The following ZNF658 variants were observed in gnomAD, a reference collection of about 807,000 sequenced individuals.
ZNF658 encodes zinc finger protein 658.
Under a neutral mutation model 78.0 loss-of-function variants are expected in ZNF658, and 46 were observed. The ratio of observed to expected loss-of-function variants is 0.59; its 90% confidence interval spans 0.47 to 0.75. The LOEUF is 0.75. Ranked by LOEUF, ZNF658 falls within the 30% of genes least tolerant of loss-of-function variation. The pLI, the probability that ZNF658 is intolerant of heterozygous loss-of-function variation, is 0.00. For missense variants in ZNF658, 785 were observed against 1,189.3 expected (o/e 0.66, Z 5.00); for synonymous variants, 279 against 408.4 (o/e 0.68, Z 3.82).
At chr9:66,901,064 C>A (rs1443742264) in intron 1 of ZNF658, 1 of 152,282 alleles carries the variant, frequency 6.6e-6, no homozygotes, top group African/African-American at 2.4e-5. Context: ...ATGAGGTTGA[C>A]GGCGAACAGG....
downstream of ZNF658, among the ~76,000 whole-genome samples, chr9:66,923,107 C>A (rs1481902450): frequency 7.0e-6 from 1 of 143,848 alleles, no homozygotes. Flanking sequence ...GTTCCCAAAT[C>A]TCAAAAATAG....
chr9:66,908,508 A>G, intron 3 of ZNF658, 131 bp from the exon 4 acceptor site: 2 of 1,454,906 alleles, frequency 1.4e-6, no homozygotes, highest in Non-Finnish European at 1.8e-6. Flanking sequence ...AACAAAAGCA[A>G]CATGTCATTA....
chr9:66,930,605 C>G (rs1178158539), intron 6 of ZNF658, among the ~76,000 whole-genome samples: 6 of 151,858 alleles, frequency 4.0e-5, no homozygotes, highest in African/African-American at 1.2e-4. Context: ...GTCAAGAGAT[C>G]GAGACCATTC....
At chr9:66,930,800 C>T (rs1270600044) in intron 6 of ZNF658, among the ~76,000 whole-genome samples, 1 of 150,842 alleles carries the variant, frequency 6.6e-6, no homozygotes, top group Non-Finnish European at 1.5e-5. Flanking sequence ...CCTTTGCCCA[C>T]AAATGAACTC....
At chr9:66,905,524 A>G (rs1344341240) in intron 2 of ZNF658, among the ~76,000 whole-genome samples, 7 of 151,434 alleles carry the variant, frequency 4.6e-5, no homozygotes, top group Admixed American at 3.9e-4. Context: ...CTGTTAGTCT[A>G]TTTGGCATAT....
intron 3 of ZNF658, 93 bp downstream of exon 3, chr9:66,908,457 C>A: frequency 1.3e-6 from 2 of 1,563,182 alleles, no homozygotes; most frequent in Admixed American, 2.0e-5. Context: ...GATTAAAGGG[C>A]TTTGGATTAA....
chr9:66,920,468 T>G lies in ZNF658; in HGVS notation c.2902T>G (p.Cys968Gly). 1 of 1,601,818 alleles carries G rather than the reference T, an allele frequency of 6.2e-7. No homozygotes were observed. The highest frequency in any genetic ancestry group is 8.5e-7 in the Non-Finnish European group (1 of 1,176,906). Reference sequence around the variant, plus strand: ...TCACACAGGGGAGAAATCCTATGAATGTAATGATTGTGGGAAAACGTTCTC... The same window carrying G: ...TCACACAGGGGAGAAATCCTATGAAGGTAATGATTGTGGGAAAACGTTCTC... ...RIHTGEKSYE[C>G]NDCGKTFSQK... Residue 968 changes from cysteine (C) to glycine (G), a missense_variant, in exon 5 of 5, where the codon TGT (cysteine) becomes GGT (glycine). Cys to Gly is a radical substitution (Grantham distance 159). Coordinates refer to ENST00000621410, the MANE Select transcript of ZNF658 (RefSeq NM_033160.7).
downstream of ZNF658, among the ~76,000 whole-genome samples, chr9:66,926,396 A>G (rs1721266060): frequency 6.6e-6 from 1 of 151,998 alleles, no homozygotes; most frequent in Non-Finnish European, 1.5e-5. Flanking sequence ...TGATAAAAAA[A>G]TGTAAAAATC....
intron 2 of ZNF658, among the ~76,000 whole-genome samples, chr9:66,905,928 C>T (rs1822070040): frequency 6.7e-6 from 1 of 148,448 alleles, no homozygotes; most frequent in African/African-American, 2.5e-5. Flanking sequence ...GCATATGGGT[C>T]TTACTTGTTG....
At chr9:66,907,749 GC>G (rs1345102428) in intron 2 of ZNF658, among the ~76,000 whole-genome samples, 5 of 152,188 alleles carry the variant, frequency 3.3e-5, no homozygotes, top group African/African-American at 1.2e-4. Context: ...TACATCCATT[GC>G]TGTGACCTCA....
intron 1 of ZNF658, among the ~76,000 whole-genome samples, chr9:66,901,324 T>G (rs1821948184): frequency 6.6e-6 from 1 of 151,872 alleles, no homozygotes; most frequent in African/African-American, 2.4e-5. Flanking sequence ...CACTAGTAGG[T>G]GAGATGCAAA....
chr9:66,923,734 G>A (rs927329056), downstream of ZNF658, among the ~76,000 whole-genome samples: 42 of 150,736 alleles, frequency 2.8e-4, 1 homozygote, highest in Admixed American at 1.3e-4. Context: ...GACTTAAAAA[G>A]GTACCAAACT....
At chr9:66,912,210 G>A (rs1261394402) in intron 4 of ZNF658, among the ~76,000 whole-genome samples, 2 of 110,404 alleles carry the variant, frequency 1.8e-5, no homozygotes, top group Non-Finnish European at 3.5e-5. Flanking sequence ...GGAGAACAAT[G>A]AGGAAAGGAT....
At chr9:66,915,777 CT>C (rs1203398816) in intron 4 of ZNF658, among the ~76,000 whole-genome samples, 1 of 140,008 alleles carries the variant, frequency 7.1e-6, no homozygotes. Context: ...ATTAAAAAAA[CT>C]TTTTAAAAAA....
At position 66,903,577 on chromosome 9, in the gene ZNF658, G is replaced by A; in HGVS notation, c.15+1G>A. The A allele has an allele frequency of 6.2e-7, 1 of 1,611,932 alleles. No individual in the cohort carries two copies. Among genetic ancestry groups the A allele is most frequent in the Non-Finnish European group, 8.5e-7 (1 of 1,179,870 alleles). ...GCAGCAGAAAATGAACATGTCTCAG[G>A]TGAGTTAGGTTTTTAAAAACCGGTT... On this transcript the variant is annotated splice_donor_variant, in intron 2 of 4. Coordinates refer to ENST00000621410, the MANE Select transcript of ZNF658 (RefSeq NM_033160.7). LOFTEE classifies it high-confidence loss of function.
chr9:66,920,645 T>A lies in ZNF658; in HGVS notation c.3079T>A (p.Cys1027Ser). The A allele has an allele frequency of 7.1e-7, 1 of 1,407,360 alleles. No homozygotes were observed. The highest frequency in any genetic ancestry group is 9.9e-7 in the Non-Finnish European group (1 of 1,011,898). The allele number at this position is 1,407,360 out of a possible 1,614,324, so 87.2% of individuals were successfully genotyped here. A position where few individuals can be genotyped will look rare whatever the true frequency, so the allele number is the denominator to read the frequency against. The change falls in exon 5 of 5, where the codon TGT (cysteine) becomes AGT (serine). Residue 1027 changes from cysteine (C) to serine (S), a missense_variant. By Grantham distance (112) the Cys-to-Ser change is moderately radical (BLOSUM62 -1). Transcript: ENST00000621410. ...TGEKPYECDE[C>S]GKTFVRKAAL... ...GGAGAAACCCTATGAATGTGATGAATGTGGGAAAACTTTTGTCCGTAAGGC... is the reference window on the plus strand; with the variant it reads ...GGAGAAACCCTATGAATGTGATGAAAGTGGGAAAACTTTTGTCCGTAAGGC...
At position 66,920,292 on chromosome 9, in the gene ZNF658, C is replaced by T. The variant is rs746451716; in HGVS notation, c.2726C>T (p.Pro909Leu). The part of the protein sequence containing the change: ...AHLRTRSGEK[P>L]YECSECGKTF... ...CTTAGAACTCGCTCAGGGGAGAAAC[C>T]CTATGAATGCAGTGAATGTGGGAAA... Residue 909 changes from proline to leucine, a missense_variant, in exon 5 of 5, where the codon CCC (proline) becomes CTC (leucine). Pro to Leu is a moderately conservative substitution (Grantham distance 98). Coordinates refer to ENST00000621410, the MANE Select transcript of ZNF658 (RefSeq NM_033160.7). The T allele has an allele frequency of 3.1e-6, 5 of 1,613,830 alleles. No individual in the cohort carries two copies. In the South Asian group the frequency reaches 4.4e-5, roughly 14 times the overall value.
rs755405063 is a variant in ZNF658 at position 66,918,837 on chromosome 9, G to A, written c.1271G>A (p.Ser424Asn). Reference protein sequence around the residue: ...YEECAKSFCSSSHPIQHPGTY... With the variant: ...YEECAKSFCSNSHPIQHPGTY... Reference sequence around the variant, plus strand: ...GAATGTGCAAAATCCTTTTGTTCAAGTTCACATCCTATTCAGCATCCTGGA... The same window carrying A: ...GAATGTGCAAAATCCTTTTGTTCAAATTCACATCCTATTCAGCATCCTGGA... Residue 424 changes from serine to asparagine, a missense_variant, in exon 5 of 5, where the codon AGT becomes AAT. This residue lies in a region of ZNF658 where 393 missense variants were observed against 400.2 expected (regional missense o/e 0.98). Transcript: ENST00000621410. 4.3e-6 allele frequency: 7 copies of A among 1,609,554 alleles called. No individual in the cohort carries two copies. The highest frequency in any genetic ancestry group is 5.9e-6 in the Non-Finnish European group (7 of 1,176,696).
At position 66,917,896 on chromosome 9, in the gene ZNF658, A is replaced by T. The variant is rs144924601; in HGVS notation, c.330A>T (p.Thr110=). The part of the protein sequence containing the change: ...QEIFISDADK[T]LSKEGQKVLE... ...TATTCATCAGTGATGCTGACAAAAC[A>T]TTGAGTAAAGAAGGACAGAAAGTTT... The change falls in exon 5 of 5, where the codon ACA becomes ACT. Residue 110 remains threonine (T), a synonymous_variant. Transcript: ENST00000621410. The T allele has an allele frequency of 1.7e-5, 27 of 1,608,394 alleles. No homozygotes were observed. In the African/African-American group the frequency reaches 3.0e-4, roughly 18 times the overall value.
Sources: gnomAD v4.1 joint callset for allele counts (sites outside exome capture counted in the v4.1 genomes callset) on GRCh38, gnomAD v4.1.1 for gene constraint, gnomAD v4.1.1 regional missense constraint, MANE v1.5 for transcripts, NCBI Gene and HGNC (gene_info 2026-07-23, HGNC 2026-07-21) for gene names.